MATN2: variants seen among roughly 807,000 people sequenced by gnomAD.
MATN2 encodes matrilin 2, also known as matrilin-2.
MATN2 carries 69 observed loss-of-function variants against 103.2 expected under a neutral mutation model. The ratio of observed to expected loss-of-function variants is 0.67; its 90% CI spans 0.55 to 0.82. The LOEUF (loss-of-function observed/expected upper bound fraction) is 0.82, where lower values mean the gene tolerates loss of function less well. Ranked by LOEUF, MATN2 falls within the 40% of genes least tolerant of loss-of-function variation. The probability of loss-of-function intolerance (pLI) is 0.00; values close to 1 mark genes in which losing one functional copy is unlikely to be tolerated. For synonymous variants in MATN2, 429 were observed against 450.2 expected (o/e 0.95, Z 0.60); for missense variants, 1,023 against 1,211.5 (o/e 0.84, Z 2.31).
intron 2 of MATN2, among the ~76,000 whole-genome samples, chr8:97,927,326 A>ATTAT (rs1554603450): frequency 0.021 from 1,245 of 60,462 alleles, 16 homozygotes; most frequent in African/African-American, 0.063. Flanking sequence ...TATTATTATT[A>ATTAT]TTTTTTTTTT....
chr8:97,961,095 G>T (rs747397188), intron 4 of MATN2, among the ~76,000 whole-genome samples: 5 of 152,176 alleles, frequency 3.3e-5, no homozygotes, highest in Non-Finnish European at 7.3e-5. Flanking sequence ...AATTACAGGC[G>T]TGAGCCACCG....
intron 13 of MATN2, among the ~76,000 whole-genome samples, chr8:98,027,209 CA>C (rs1055515667): frequency 1.3e-5 from 2 of 151,964 alleles, no homozygotes; most frequent in Non-Finnish European, 2.9e-5. Flanking sequence ...CTATTTTTAT[CA>C]ATATGACAAG....
At chr8:97,905,715 A>G (rs142409732) in intron 2 of MATN2, among the ~76,000 whole-genome samples, 129 of 152,140 alleles carry the variant, frequency 8.5e-4, no homozygotes, top group African/African-American at 3.0e-3. Context: ...CAGGCTGCAG[A>G]GCAGTGGCGT....
At chr8:97,939,521 G>A (rs1810483238) in intron 3 of MATN2, among the ~76,000 whole-genome samples, 2 of 152,128 alleles carry the variant, frequency 1.3e-5, no homozygotes, top group Admixed American at 6.5e-5. Flanking sequence ...ACATTTTTTT[G>A]TAGTCTCAGC....
At chr8:98,029,380 A>G (rs1334382805) in intron 14 of MATN2, among the ~76,000 whole-genome samples, 2 of 152,210 alleles carry the variant, frequency 1.3e-5, no homozygotes, top group African/African-American at 4.8e-5. Context: ...TAGCCCTTTC[A>G]TCTCACTGAG....
chr8:97,930,949 C>A lies in MATN2; in HGVS notation c.143-4C>A. 6.3e-7 allele frequency: 1 copy of A among 1,598,418 alleles called. No homozygotes were observed. The highest frequency in any genetic ancestry group is 1.1e-5 in the South Asian group (1 of 87,900). ...AATGTATTTGACCTCTCCTCTTTCC[C>A]CAGAGAGTTCCTGTGAGAACAAGCG... On this transcript the variant is annotated splice_polypyrimidine_tract_variant and splice_region_variant and intron_variant, in intron 2 of 18. Transcript: ENST00000254898.
At chr8:97,962,906 G>A (rs183548169) in intron 5 of MATN2, among the ~76,000 whole-genome samples, 67 of 152,236 alleles carry the variant, frequency 4.4e-4, no homozygotes, top group African/African-American at 1.6e-3. Context: ...AGGCTGAGGC[G>A]GGCAGATCAC....
chr8:97,892,265 T>G (rs1392204763), intron 2 of MATN2, among the ~76,000 whole-genome samples: 2 of 148,620 alleles, frequency 1.3e-5, no homozygotes, highest in South Asian at 2.1e-4. Context: ...AAAAAAAAAT[T>G]AGCCGGGTGT....
chr8:97,977,235 C>CAAAAA (rs34634037), intron 5 of MATN2, among the ~76,000 whole-genome samples: 53 of 35,920 alleles, frequency 1.5e-3, no homozygotes, highest in East Asian at 5.8e-3. Context: ...GACCCTGTCT[C>CAAAAA]AAAAAAAAAA....
intron 6 of MATN2, among the ~76,000 whole-genome samples, chr8:97,980,616 G>A (rs1233603633): frequency 7.0e-6 from 1 of 143,768 alleles, no homozygotes; most frequent in African/African-American, 2.6e-5. Flanking sequence ...CCAGGCTGGA[G>A]AGCAGTGATG....
At chr8:97,908,688 G>A (rs951632713) in intron 2 of MATN2, among the ~76,000 whole-genome samples, 22 of 152,066 alleles carry the variant, frequency 1.4e-4, no homozygotes, top group African/African-American at 4.8e-4. Flanking sequence ...CTGGAGTGTG[G>A]TGATGCAATC....
chr8:97,959,920 A>G (rs539574787), intron 4 of MATN2, among the ~76,000 whole-genome samples: 10 of 152,306 alleles, frequency 6.6e-5, no homozygotes, highest in African/African-American at 2.4e-4. Flanking sequence ...TTTCTAGGTA[A>G]TTAAGTTTTT....
intron 2 of MATN2, among the ~76,000 whole-genome samples, chr8:97,924,164 T>A (rs918605140): frequency 1.3e-5 from 2 of 152,214 alleles, no homozygotes; most frequent in African/African-American, 2.4e-5. Context: ...ATAACCCTTG[T>A]TAAATTCAAC....
At chr8:97,965,920 G>A (rs1342399691) in intron 5 of MATN2, among the ~76,000 whole-genome samples, 1 of 152,112 alleles carries the variant, frequency 6.6e-6, no homozygotes, top group African/African-American at 2.4e-5. Context: ...GGAGGCAGAG[G>A]TTGCAGTGAG....
chr8:97,878,206 T>A (rs1469863160), intron 1 of MATN2, among the ~76,000 whole-genome samples: 1 of 152,230 alleles, frequency 6.6e-6, no homozygotes, highest in Non-Finnish European at 1.5e-5. Flanking sequence ...AGATACTTGA[T>A]ATTTCATCTA....
chr8:97,924,554 CTCTT>C (rs1196781990), intron 2 of MATN2, among the ~76,000 whole-genome samples: 1 of 152,156 alleles, frequency 6.6e-6, no homozygotes, highest in Non-Finnish European at 1.5e-5. Context: ...GGTGACCTCT[CTCTT>C]TCCGTCACAC....
intron 2 of MATN2, among the ~76,000 whole-genome samples, chr8:97,929,041 C>T (rs1391983427): frequency 6.6e-6 from 1 of 152,086 alleles, no homozygotes; most frequent in Non-Finnish European, 1.5e-5. Context: ...TTTCTGGGGC[C>T]TCTGTTTTGA....
chr8:98,012,508 TAGGGGCC>T (rs1813206655), intron 10 of MATN2, among the ~76,000 whole-genome samples: 1 of 152,034 alleles, frequency 6.6e-6, no homozygotes, highest in Non-Finnish European at 1.5e-5. Context: ...AATGCTTCAC[TAGGGGCC>T]AGAGAGCGAA....
chr8:97,969,647 GA>G (rs1230250580), intron 5 of MATN2, among the ~76,000 whole-genome samples: 1 of 152,208 alleles, frequency 6.6e-6, no homozygotes, highest in East Asian at 1.9e-4. Context: ...AACATGATAG[GA>G]AGATAATTTC....
Sources: gnomAD v4.1 joint callset for allele counts (sites outside exome capture counted in the v4.1 genomes callset) on GRCh38, gnomAD v4.1.1 for gene constraint, MANE v1.5 for transcripts, NCBI Gene and HGNC (gene_info 2026-07-23, HGNC 2026-07-21) for gene names.